The following KIFC3 variants were observed in gnomAD, a reference collection of about 807,000 sequenced individuals.
The protein encoded by KIFC3 is kinesin-like protein KIFC3.
Under a neutral mutation model 101.8 loss-of-function variants are expected in KIFC3, and 60 were observed. The ratio of observed to expected loss-of-function variants is 0.59; its 90% CI spans 0.48 to 0.73. The LOEUF is 0.73. Among genes scored for constraint, KIFC3 ranks in the 30% least tolerant of loss-of-function variants. The pLI, the probability that KIFC3 is intolerant of heterozygous loss-of-function variation, is 0.00. For missense variants in KIFC3, 966 were observed against 1,137.1 expected, an observed-to-expected ratio of 0.85 and a Z score of 2.16; for synonymous variants, 476 against 482.7, an observed-to-expected ratio of 0.99 and a Z score of 0.18.
rs1555596761 is a variant in KIFC3, at chr16:57,761,112, G to A, written c.1932C>T (p.Ser644=). The change falls in exon 15 of 20, where the codon AGC becomes AGT. Residue 644 remains serine, a synonymous_variant. Transcript: ENST00000445690. ...TTEFTNLNEH[S]SRSHALLIVT... is the part of the protein sequence containing the mutation. ...CGATGAGCAGCGCGTGCGAGCGGGA[G>A]CTGTGCTCGTTCAGGTTGGTGAACT... 6.2e-7 allele frequency: 1 copy of A among 1,613,896 alleles called. No homozygotes were observed. Among genetic ancestry groups the A allele is most frequent in the African/African-American group, 1.3e-5 (1 of 74,930 alleles).
At position 57,762,144 on chromosome 16, in the gene KIFC3, G is replaced by A. The variant is rs1555598380; in HGVS notation, c.1744C>T (p.Leu582Phe). The A allele has an allele frequency of 3.8e-6, 6 of 1,598,562 alleles. No homozygotes were observed. The highest frequency in any genetic ancestry group is 2.2e-5 in the South Asian group (2 of 90,490). ...VSAAEIYNEV[L>F]RDLLGKEPQE... Reference sequence around the variant, plus strand: ...CGCACACCCTGGGGCTCCCACCTGAGGACCTCATTGTAGATCTCCGCAGCG... The same window carrying A: ...CGCACACCCTGGGGCTCCCACCTGAAGACCTCATTGTAGATCTCCGCAGCG... Residue 582 changes from leucine (L) to phenylalanine (F), a missense_variant, in exon 13 of 20, where the codon CTC becomes TTC. Leu to Phe is a conservative substitution (Grantham distance 22, BLOSUM62 0). Transcript: ENST00000445690.
At chr16:57,790,078 C>CTTTCTTTCTTTCT (rs59016221) in intron 3 of KIFC3, among the ~76,000 whole-genome samples, 4,488 of 93,918 alleles carry the variant, frequency 0.048, 114 homozygotes, top group East Asian at 0.065. Flanking sequence ...TTCTTTCTTT[C>CTTTCTTTCTTTCT]TTTTTTTTTT....
intron 1 of KIFC3, chr16:57,862,702 ACTG>A (rs1959370431): frequency 9.2e-7 from 1 of 1,089,356 alleles, no homozygotes; most frequent in Non-Finnish European, 1.2e-6. Context: ...TCCCATTCCC[ACTG>A]CCCCAACCCA....
chr16:57,772,137 A>T lies in KIFC3; in HGVS notation c.381+86T>A. 5 of 1,138,910 alleles carry T rather than the reference A, an allele frequency of 4.4e-6. No homozygotes were observed. In the Admixed American group the frequency reaches 9.9e-5, roughly 23 times the overall value. The allele number at this position is 1,138,910 out of a possible 1,614,324, so 70.6% of individuals were successfully genotyped here. A position where few individuals can be genotyped will look rare whatever the true frequency, so the allele number is the denominator to read the frequency against. ...TGGGATATGCGGGCTCAGGAGAGAG[A>T]GGGTCGCACCCCTGCCCCTGGCAGG... On this transcript the variant is annotated intron_variant, in intron 4 of 19. Transcript: ENST00000445690.
intron 3 of KIFC3, among the ~76,000 whole-genome samples, chr16:57,793,465 C>T (rs55927841): frequency 0.072 from 10,901 of 150,902 alleles, 453 homozygotes; most frequent in South Asian, 0.1. Flanking sequence ...CGGTGGCACA[C>T]GCCTGTAATC....
At chr16:57,792,231 T>C in intron 3 of KIFC3, among the ~76,000 whole-genome samples, 1 of 152,204 alleles carries the variant, frequency 6.6e-6, no homozygotes, top group Middle Eastern at 3.2e-3. Context: ...GGGTGGGCCT[T>C]GGCAGCATCC....
intron 1 of KIFC3, among the ~76,000 whole-genome samples, chr16:57,861,371 A>T (rs1271256993): frequency 6.6e-6 from 1 of 152,170 alleles, no homozygotes; most frequent in African/African-American, 2.4e-5. Flanking sequence ...CCCAGCCTTT[A>T]TTCAAGATGG....
At position 57,762,235 on chromosome 16, in the gene KIFC3, G is replaced by A. The variant is rs782557246; in HGVS notation, c.1653C>T (p.Ala551=). 1 of 1,597,890 alleles carries A rather than the reference G, an allele frequency of 6.3e-7. No individual in the cohort carries two copies. The highest frequency in any genetic ancestry group is 8.5e-7 in the Non-Finnish European group (1 of 1,173,422). ...GCACCTCGGAGAAGAGCAGCTGCAG[G>A]GCCCGCTGGTTGATACCTGGGTTCT... ...TAENPGINQR[A]LQLLFSEVQE... is the part of the protein sequence containing the mutation. Residue 551 remains alanine (A), a synonymous_variant, in exon 13 of 20, where the codon GCC becomes GCT. Coordinates refer to ENST00000445690, the MANE Select transcript of KIFC3 (RefSeq NM_001130100.2).
At chr16:57,762,798 C>G (rs573557232) in intron 12 of KIFC3, among the ~76,000 whole-genome samples, 1 of 152,216 alleles carries the variant, frequency 6.6e-6, no homozygotes, top group Non-Finnish European at 1.5e-5. Flanking sequence ...CTGGCCCTCA[C>G]CCCTCTTCTG....
intron 3 of KIFC3, among the ~76,000 whole-genome samples, chr16:57,788,205 C>G (rs1190879203): frequency 1.3e-5 from 2 of 152,066 alleles, no homozygotes; most frequent in Non-Finnish European, 1.5e-5. Context: ...GGGAGAAGGC[C>G]GAGTCTCTCT....
intron 1 of KIFC3, chr16:57,815,501 G>T (rs2055199283): frequency 7.9e-7 from 1 of 1,261,416 alleles, no homozygotes; most frequent in African/African-American, 1.5e-5. Flanking sequence ...TGGCTGATCT[G>T]GGACCACATC....
chr16:57,814,891 G>A (rs560276092), intron 1 of KIFC3, among the ~76,000 whole-genome samples: 6 of 151,898 alleles, frequency 4.0e-5, no homozygotes, highest in African/African-American at 1.5e-4. Context: ...CAAAGTGCTA[G>A]GATTACAGGT....
chr16:57,785,605 G>T (rs1236507313), intron 3 of KIFC3: 1 of 1,281,420 alleles, frequency 7.8e-7, no homozygotes, highest in Middle Eastern at 2.1e-4. Flanking sequence ...TAAGCACCAT[G>T]GGGGCCGCAC....
upstream of KIFC3, chr16:57,802,812 C>T (rs1219471697): frequency 1.2e-6 from 1 of 813,052 alleles, no homozygotes; most frequent in Non-Finnish European, 2.0e-6. The surrounding 1 kb of genome is among the most constrained non-coding windows in gnomAD (Gnocchi z 5.0). Flanking sequence ...CCCACACAGC[C>T]CCACACCTGG....
At chr16:57,761,560 A>ACCC in intron 13 of KIFC3, 24 bp from the exon 14 acceptor site, 3 of 1,604,944 alleles carry the variant, frequency 1.9e-6, no homozygotes, top group Non-Finnish European at 2.5e-6. Context: ...TGAGACAGTC[A>ACCC]CCCCCTCCTC....
In KIFC3 at chr16:57,760,386, T is replaced by C; in HGVS notation, c.2263A>G (p.Thr755Ala). The C allele has an allele frequency of 1.5e-5, 24 of 1,613,872 alleles. No homozygotes were observed. The highest frequency in any genetic ancestry group is 2.0e-5 in the Non-Finnish European group (24 of 1,179,980). Residue 755 changes from threonine (T) to alanine (A), a missense_variant, in exon 17 of 20, where the codon ACG becomes GCG. By Grantham distance (58) the Thr-to-Ala change is moderately conservative. Transcript: ENST00000445690. ...TCAGCAAACTTGAGGGAATAGAGCG[T>C]CTCGCTAGTGTTCTTCTCCACGGGG... ...VSPVEKNTSETLYSLKFAERV... is the reference protein window; with the variant it reads ...VSPVEKNTSEALYSLKFAERV...
intron 19 of KIFC3, 95 bp downstream of exon 19, chr16:57,759,030 G>A: frequency 6.5e-7 from 1 of 1,541,114 alleles, no homozygotes; most frequent in Non-Finnish European, 8.8e-7. Flanking sequence ...GCAGGGGCTA[G>A]ACCCAGCTCT....
chr16:57,829,471 TCTTGAACTCCTGGG>T (rs1555478813), intron 1 of KIFC3, among the ~76,000 whole-genome samples: 1 of 152,142 alleles, frequency 6.6e-6, no homozygotes, highest in Non-Finnish European at 1.5e-5. Context: ...CCCAGGCTGG[TCTTGAACTCCTGGG>T]CTCCAGTGAT....
rs931722298 is a variant in KIFC3, at chr16:57,764,266, G to T, written c.1513-19C>A. On this transcript the variant is annotated intron_variant, in intron 11 of 19. Coordinates refer to ENST00000445690, the MANE Select transcript of KIFC3 (RefSeq NM_001130100.2). ...GGAACACCTGGGAGGGTGGTGGGAG[G>T]GAGGCTGGTGGGGGGGCTTCCAGGG... The T allele has an allele frequency of 3.6e-6, 5 of 1,408,326 alleles. No individual in the cohort carries two copies. Among genetic ancestry groups the T allele is most frequent in the Admixed American group, 3.8e-5 (2 of 52,964 alleles). 87.2% of individuals were successfully genotyped at this position (1,408,326 alleles called of 1,614,324 possible).
Sources: gnomAD v4.1 joint callset for allele counts (sites outside exome capture counted in the v4.1 genomes callset) on GRCh38, gnomAD v4.1.1 for gene constraint, Gnocchi (gnomAD v3.1) non-coding constraint, MANE v1.5 for transcripts, NCBI Gene and HGNC (gene_info 2026-07-23, HGNC 2026-07-21) for gene names.